The following MAGI2 variants were observed in gnomAD, a reference collection of about 807,000 sequenced individuals.
MAGI2 encodes membrane-associated guanylate kinase, WW and PDZ domain-containing protein 2.
MAGI2 carries 35 observed loss-of-function variants against 133.3 expected under a neutral mutation model. That is an observed-to-expected ratio of 0.26 (90% CI 0.20 to 0.35). The LOEUF (loss-of-function observed/expected upper bound fraction) is 0.35. Ranked by LOEUF, MAGI2 falls within the 10% of genes least tolerant of loss-of-function variation. The pLI is 1.00. For missense variants in MAGI2, 1,636 were observed against 1,863.4 expected (o/e 0.88, Z 2.25); for synonymous variants, 729 against 710.6 (o/e 1.03, Z -0.41).
At chr7:78,248,699 C>T (rs549503277) in intron 10 of MAGI2, among the ~76,000 whole-genome samples, 2 of 152,222 alleles carry the variant, frequency 1.3e-5, no homozygotes, top group East Asian at 1.9e-4. Flanking sequence ...AACTAGACTT[C>T]TGTCTCTCTC....
chr7:78,891,920 G>C (rs553580905), intron 2 of MAGI2, among the ~76,000 whole-genome samples: 2 of 152,236 alleles, frequency 1.3e-5, no homozygotes, highest in South Asian at 4.1e-4. Flanking sequence ...ATTCAATTAG[G>C]AAAAGAGGAA....
intron 1 of MAGI2, among the ~76,000 whole-genome samples, chr7:79,424,578 A>G (rs1847209682): frequency 1.3e-5 from 2 of 152,198 alleles, no homozygotes; most frequent in Non-Finnish European, 2.9e-5. Context: ...CAAAAAAATG[A>G]TATCTATGTG....
At chr7:79,321,801 G>A (rs1208319010) in intron 1 of MAGI2, among the ~76,000 whole-genome samples, 1 of 152,170 alleles carries the variant, frequency 6.6e-6, no homozygotes, top group Admixed American at 6.5e-5. Context: ...TGCCTACTAT[G>A]TGCTAGCCAG....
chr7:79,064,794 C>A (rs1054652550), intron 1 of MAGI2, among the ~76,000 whole-genome samples: 1 of 152,020 alleles, frequency 6.6e-6, no homozygotes, highest in Non-Finnish European at 1.5e-5. Flanking sequence ...TGGCTAGATT[C>A]GGCTGTTTCA....
At chr7:78,342,490 C>T (rs1480497493) in intron 9 of MAGI2, among the ~76,000 whole-genome samples, 1 of 152,168 alleles carries the variant, frequency 6.6e-6, no homozygotes, top group Non-Finnish European at 1.5e-5. Context: ...AATCATTCTA[C>T]TATAAAGACA....
intron 2 of MAGI2, among the ~76,000 whole-genome samples, chr7:78,978,077 TA>T (rs1804451110): frequency 6.6e-6 from 1 of 151,732 alleles, no homozygotes; most frequent in Non-Finnish European, 1.5e-5. Flanking sequence ...GCTGGAGTAA[TA>T]AAAAATAATA....
At chr7:78,708,481 CTTAT>C in intron 2 of MAGI2, among the ~76,000 whole-genome samples, 1 of 152,232 alleles carries the variant, frequency 6.6e-6, no homozygotes, top group Non-Finnish European at 1.5e-5. Flanking sequence ...AAGGTATTTA[CTTAT>C]TTGTTTATAT....
chr7:78,130,188 T>C (rs1187924810), intron 18 of MAGI2, among the ~76,000 whole-genome samples: 1 of 152,156 alleles, frequency 6.6e-6, no homozygotes, highest in African/African-American at 2.4e-5. Flanking sequence ...ATCTTCACAT[T>C]AAACATACTT....
chr7:78,230,039 C>T (rs1005431543), intron 10 of MAGI2, among the ~76,000 whole-genome samples: 1 of 152,224 alleles, frequency 6.6e-6, no homozygotes, highest in Non-Finnish European at 1.5e-5. Context: ...TGAATCGACA[C>T]ATTGTCCTTT....
At chr7:79,152,448 C>A (rs1369846139) in intron 1 of MAGI2, among the ~76,000 whole-genome samples, 1 of 152,162 alleles carries the variant, frequency 6.6e-6, no homozygotes, top group Non-Finnish European at 1.5e-5. Context: ...AATTTTAAGA[C>A]CTAGCTTCGT....
intron 6 of MAGI2, among the ~76,000 whole-genome samples, chr7:78,472,607 G>A (rs556718442): frequency 2.6e-4 from 40 of 152,222 alleles, no homozygotes; most frequent in African/African-American, 9.4e-4. Flanking sequence ...AGAATGGCAG[G>A]TAACATGTGC....
At chr7:78,391,258 A>T (rs557101509) in intron 6 of MAGI2, among the ~76,000 whole-genome samples, 1 of 152,356 alleles carries the variant, frequency 6.6e-6, no homozygotes, top group South Asian at 2.1e-4. Context: ...ATACAGAAAG[A>T]TATCAACATA....
intron 3 of MAGI2, among the ~76,000 whole-genome samples, chr7:78,563,737 A>G (rs1351273321): frequency 6.6e-6 from 1 of 152,214 alleles, no homozygotes; most frequent in East Asian, 1.9e-4. Flanking sequence ...CTTACAAATA[A>G]AAATACCCAA....
chr7:78,773,907 A>C (rs1429829549), intron 2 of MAGI2, among the ~76,000 whole-genome samples: 2 of 152,254 alleles, frequency 1.3e-5, no homozygotes, highest in African/African-American at 4.8e-5. Context: ...AGCAAGGTGA[A>C]GGGCAGATGA....
intron 9 of MAGI2, among the ~76,000 whole-genome samples, chr7:78,265,958 G>A (rs998031995): frequency 6.6e-6 from 1 of 152,130 alleles, no homozygotes; most frequent in Non-Finnish European, 1.5e-5. Flanking sequence ...ACTGTCTCTG[G>A]TCACACTTTC....
chr7:79,411,318 A>C (rs1376214552), intron 1 of MAGI2: 2 of 152,272 alleles, frequency 1.3e-5, no homozygotes, highest in East Asian at 1.9e-4. Flanking sequence ...TTAAATAGGG[A>C]GATTACCCTA....
chr7:78,099,059 T>C (rs908111398), intron 20 of MAGI2, among the ~76,000 whole-genome samples: 8 of 152,186 alleles, frequency 5.3e-5, no homozygotes, highest in Non-Finnish European at 1.0e-4. Context: ...ATAAAGTGAA[T>C]AATAATCAGC....
rs116971666 is a variant in MAGI2, at chr7:79,343,732, T to A, written c.301+109288A>T. The stretch of plus-strand genomic sequence containing the variant: ...TTATGTAACATTACAGGAATTGCCT[T>A]CAAATTACTTTTTAGTTTTCATTTT... On this transcript the variant is annotated intron_variant, in intron 1 of 21. Coordinates refer to ENST00000354212, the MANE Select transcript of MAGI2 (RefSeq NM_012301.4). Among the ~76,000 whole-genome samples the A allele has an allele frequency of 5.6e-3, 853 of 152,288 alleles. 5 individuals carry two copies. The highest frequency in any genetic ancestry group is 0.01 in the Middle Eastern group (3 of 294).
At chr7:78,456,708 C>T (rs1000963790) in intron 6 of MAGI2, among the ~76,000 whole-genome samples, 4 of 151,938 alleles carry the variant, frequency 2.6e-5, no homozygotes, top group African/African-American at 9.7e-5. Context: ...ACCCTACGGA[C>T]GTAGGGATGG....
Sources: gnomAD v4.1 joint callset for allele counts (sites outside exome capture counted in the v4.1 genomes callset) on GRCh38, gnomAD v4.1.1 for gene constraint, MANE v1.5 for transcripts, NCBI Gene and HGNC (gene_info 2026-07-23, HGNC 2026-07-21) for gene names.